Variants in OSBPL10 observed in about 807,000 individuals in gnomAD.
The protein encoded by OSBPL10 is oxysterol binding protein like 10.
A neutral mutation model predicts 81.7 loss-of-function variants in OSBPL10; 49 were observed. The ratio of observed to expected loss-of-function variants is 0.60; its 90% CI spans 0.48 to 0.76. The LOEUF is 0.76. OSBPL10 is among the 30% of genes least tolerant of loss of function. OSBPL10 has a pLI of 0.00. For synonymous variants in OSBPL10, 419 were observed against 383.6 expected (o/e 1.09, Z -1.08); for missense variants, 923 against 987.8 (o/e 0.93, Z 0.88).
chr3:31,743,445 G>T (rs1697420494), intron 5 of OSBPL10, among the ~76,000 whole-genome samples: 1 of 152,108 alleles, frequency 6.6e-6, no homozygotes, highest in Non-Finnish European at 1.5e-5. Flanking sequence ...AACAGGTCTG[G>T]GAGCCCAAAT....
intron 1 of OSBPL10, among the ~76,000 whole-genome samples, chr3:31,952,763 C>T (rs1697904592): frequency 6.6e-6 from 1 of 152,032 alleles, no homozygotes; most frequent in African/African-American, 2.4e-5. Context: ...TAAAACCTGC[C>T]CGCCTTGTGT....
intron 4 of OSBPL10, among the ~76,000 whole-genome samples, chr3:31,774,638 G>A (rs184942115): frequency 6.6e-6 from 1 of 151,340 alleles, no homozygotes; most frequent in African/African-American, 2.4e-5. Flanking sequence ...TCAGCTTCTC[G>A]AGTAGCTGGG....
At chr3:32,029,539 ATGT>A (rs1220034881) in intron 2 of OSBPL10, among the ~76,000 whole-genome samples, 3 of 152,150 alleles carry the variant, frequency 2.0e-5, no homozygotes, top group African/African-American at 7.2e-5. Flanking sequence ...AGATACGGAT[ATGT>A]TCTGCCGGTA....
At chr3:31,667,329 A>T (rs1420906322) in intron 10 of OSBPL10, among the ~76,000 whole-genome samples, 3 of 152,282 alleles carry the variant, frequency 2.0e-5, no homozygotes, top group Non-Finnish European at 1.5e-5. Context: ...CTCTCCAGTT[A>T]GACACAGAGA....
At chr3:31,968,200 T>C (rs1480602578) in intron 1 of OSBPL10, among the ~76,000 whole-genome samples, 2 of 152,158 alleles carry the variant, frequency 1.3e-5, no homozygotes, top group African/African-American at 2.4e-5. Flanking sequence ...TTGACATGGA[T>C]ACAGTACTAT....
At chr3:32,075,403 C>T (rs4101827) in intron 1 of OSBPL10, among the ~76,000 whole-genome samples, 104,341 of 151,860 alleles carry the variant, frequency 0.69, 38,435 homozygotes, top group East Asian at 0.89. Context: ...CCCCCTTGGA[C>T]ACTCTTTAAT....
intron 4 of OSBPL10, among the ~76,000 whole-genome samples, chr3:31,809,804 T>C (rs996314311): frequency 1.3e-5 from 2 of 150,382 alleles, no homozygotes; most frequent in Non-Finnish European, 3.0e-5. Flanking sequence ...AAAGATGGAC[T>C]ATTCAAAAAA....
intron 1 of OSBPL10, among the ~76,000 whole-genome samples, chr3:32,076,536 A>C (rs1305226315): frequency 6.6e-6 from 1 of 152,142 alleles, no homozygotes; most frequent in South Asian, 2.1e-4. Flanking sequence ...GAGAAAGGGG[A>C]TCCTTTCCCT....
intron 4 of OSBPL10, among the ~76,000 whole-genome samples, chr3:31,798,673 T>C (rs1699300805): frequency 6.6e-6 from 1 of 152,140 alleles, no homozygotes; most frequent in African/African-American, 2.4e-5. Context: ...GCCAACATAA[T>C]CTACCTTCCC....
intron 6 of OSBPL10, chr3:31,732,948 T>C (rs540255629): frequency 7.6e-6 from 3 of 392,770 alleles, no homozygotes; most frequent in Non-Finnish European, 1.4e-5. Flanking sequence ...TCCCATCATG[T>C]CAATAGGCAC....
intron 1 of OSBPL10, among the ~76,000 whole-genome samples, chr3:31,887,777 C>A (rs573489377): frequency 6.6e-6 from 1 of 152,280 alleles, no homozygotes; most frequent in East Asian, 1.9e-4. Context: ...ACAGCACCTG[C>A]AGGCAAACTC....
At position 31,661,972 on chromosome 3, in the gene OSBPL10, T is replaced by C. The variant is rs11058; in HGVS notation, c.*100A>G. 295,947 of 1,496,114 alleles carry C rather than the reference T, an allele frequency of 0.2. 29,840 individuals are homozygous for C. The highest frequency in any genetic ancestry group is 0.3 in the East Asian group (13,266 of 43,496). 92.7% of individuals were successfully genotyped at this position (1,496,114 alleles called of 1,614,324 possible). ...TCTCTCATCATTTCTTGGATGCTAA[T>C]ACAAGGTCTCAGTGAATGCCAACAA... On this transcript the variant is annotated 3_prime_UTR_variant, in exon 12 of 12. Coordinates refer to ENST00000396556, the MANE Select transcript of OSBPL10 (RefSeq NM_017784.5).
intron 1 of OSBPL10, among the ~76,000 whole-genome samples, chr3:32,061,756 A>G (rs1342662862): frequency 1.1e-5 from 1 of 90,702 alleles, no homozygotes; most frequent in African/African-American, 2.8e-5. Flanking sequence ...CTCCCACCTC[A>G]GCCTCCTAAG....
intron 1 of OSBPL10, among the ~76,000 whole-genome samples, chr3:32,068,139 C>A (rs79160735): frequency 0.11 from 17,484 of 152,232 alleles, 1,013 homozygotes; most frequent in Middle Eastern, 0.13. Flanking sequence ...CCTTCCAATT[C>A]CAGTTGTTTT....
chr3:32,010,901 C>A (rs1370869138), intron 2 of OSBPL10, among the ~76,000 whole-genome samples: 1 of 152,154 alleles, frequency 6.6e-6, no homozygotes, highest in South Asian at 2.1e-4. Context: ...AGGAGGGGCG[C>A]CCCCCATTGG....
intron 1 of OSBPL10, among the ~76,000 whole-genome samples, chr3:31,955,259 A>G (rs1304779239): frequency 1.3e-5 from 2 of 152,242 alleles, no homozygotes; most frequent in African/African-American, 2.4e-5. Context: ...CTAGACACTC[A>G]TATGCCATCT....
intron 1 of OSBPL10, among the ~76,000 whole-genome samples, chr3:31,931,757 GAATA>G (rs1442273344): frequency 2.6e-5 from 4 of 152,220 alleles, no homozygotes; most frequent in African/African-American, 9.6e-5. Context: ...TTGAATAAAT[GAATA>G]AATAATAAAT....
chr3:31,746,764 A>G (rs942191676), intron 5 of OSBPL10, among the ~76,000 whole-genome samples: 1 of 136,964 alleles, frequency 7.3e-6, no homozygotes, highest in Non-Finnish European at 1.6e-5. Context: ...ATAGGTGGGA[A>G]TTGAACAATG....
intron 1 of OSBPL10, among the ~76,000 whole-genome samples, chr3:32,060,764 T>C (rs1699749860): frequency 1.1e-5 from 1 of 90,198 alleles, no homozygotes; most frequent in South Asian, 4.5e-4. Flanking sequence ...GCAACCACCC[T>C]GACCAACGTG....
Sources: allele counts gnomAD v4.1 joint callset (sites outside exome capture counted in the v4.1 genomes callset), GRCh38; gene constraint gnomAD v4.1.1; transcripts MANE v1.5; gene names NCBI Gene and HGNC (gene_info 2026-07-23, HGNC 2026-07-21).